CPZ: variants seen among roughly 807,000 people sequenced by gnomAD.
The protein encoded by CPZ is carboxypeptidase Z, also known as VEZT/CPZ fusion.
CPZ carries 103 observed loss-of-function variants against 61.8 expected under a neutral mutation model. The observed-to-expected ratio is 1.67, with a 90% CI of 1.42 to 1.96. The LOEUF (loss-of-function observed/expected upper bound fraction) is 1.96, where lower values mean the gene tolerates loss of function less well. Among genes scored for constraint, CPZ ranks in the 30% most tolerant of loss-of-function variants. CPZ has a pLI of 0.00. For synonymous variants in CPZ, 551 were observed against 373.7 expected (o/e 1.47, Z -5.47); for missense variants, 1,461 against 914.9 (o/e 1.60, Z -7.70).
chr4:8,617,567 T>C (rs948728079), intron 9 of CPZ, among the ~76,000 whole-genome samples: 1 of 152,240 alleles, frequency 6.6e-6, no homozygotes, highest in Non-Finnish European at 1.5e-5. Context: ...ATCCTGATTT[T>C]AAGAGGAGCA....
intron 7 of CPZ, chr4:8,611,396 G>C (rs1026038985): frequency 4.7e-6 from 2 of 425,102 alleles, no homozygotes; most frequent in Non-Finnish European, 9.7e-6. Context: ...AGGGACCCAG[G>C]ATCCCAGCCA....
chr4:8,608,134 C>CTCCAGCTTCAAGCT, intron 7 of CPZ, among the ~76,000 whole-genome samples: 1 of 140,952 alleles, frequency 7.1e-6, no homozygotes, highest in South Asian at 2.4e-4. Flanking sequence ...GGGCCCCAGC[C>CTCCAGCTTCAAGCT]TCCAGCCCCC....
intron 8 of CPZ, 59 bp downstream of exon 8, chr4:8,612,221 GCA>G: frequency 4.8e-6 from 1 of 206,194 alleles, no homozygotes; most frequent in Admixed American, 6.0e-5. Context: ...GCTGGGTGGG[GCA>G]GGGGCAAGGC....
Position 8,601,428 on chromosome 4 carries a change from T to C in CPZ, c.427T>C (p.Phe143Leu), listed in dbSNP as rs762109079. The change falls in exon 3 of 11, where the codon TTC (phenylalanine) becomes CTC (leucine). Residue 143 changes from phenylalanine to leucine, a missense_variant. Phe to Leu is a conservative substitution (Grantham distance 22). Coordinates refer to ENST00000360986, the MANE Select transcript of CPZ (RefSeq NM_001014447.3). ...CGCCATTGACATGGCCTGGCCCTAC[T>C]TCCTTGACTGCCACCGCTACTTCAC... ...FDAIDMAWPY[F>L]LDCHRYFTRE... 23 of 1,564,074 alleles carry C rather than the reference T, an allele frequency of 1.5e-5. No homozygotes were observed. Among genetic ancestry groups the C allele is most frequent in the Non-Finnish European group, 1.9e-5 (22 of 1,153,674 alleles).
At position 8,608,128 on chromosome 4, in the gene CPZ, CCCAGCCT is replaced by C. The variant is rs3842006; in HGVS notation, c.1227+710_1227+716del. 5.9e-5 allele frequency among the ~76,000 whole-genome samples: 7 copies of C among 117,700 alleles called. 1 individual carries two copies. Among genetic ancestry groups the C allele is most frequent in the East Asian group, 5.9e-4 (2 of 3,394 alleles). 77.2% of individuals were successfully genotyped at this position (117,700 alleles called of 152,430 possible). ...GGAGGGGTTGTGATCTGAGGTGGGCCCCAGCCTCCAGCCCCCAGCCCCCAGCCCCCAG... is the reference window on the plus strand; with the variant it reads ...GGAGGGGTTGTGATCTGAGGTGGGCCCCAGCCCCCAGCCCCCAGCCCCCAG... On this transcript the variant is annotated intron_variant, in intron 7 of 10. Transcript: ENST00000360986.
intron 1 of CPZ, chr4:8,597,417 T>G (rs1319813937): frequency 6.6e-6 from 1 of 152,204 alleles, no homozygotes; most frequent in South Asian, 2.1e-4. Flanking sequence ...TGCTGCAGAT[T>G]GGTGGAGTCT....
In CPZ at chr4:8,614,469, AAGG is replaced by A. The variant is rs1171836747; in HGVS notation, c.1477_1479del (p.Glu493del). 1 of 1,613,752 alleles carries A rather than the reference AAGG, an allele frequency of 6.2e-7. No homozygotes were observed. ...CCTGTACATACTCTGGCAGCACAAC[AAGG>A]AGTCACTCCTGAATTTCGTGGAGAC... On this transcript the variant is annotated inframe_deletion, in exon 9 of 11. Transcript: ENST00000360986.
At position 8,599,716 on chromosome 4, in the gene CPZ, A is replaced by C. The variant is rs1374057966; in HGVS notation, c.121+231A>C. The C allele has an allele frequency of 6.2e-5, 69 of 1,105,748 alleles. 1 individual carries two copies. Among genetic ancestry groups the C allele is most frequent in the Non-Finnish European group, 8.4e-5 (68 of 806,460 alleles). 68.5% of individuals were successfully genotyped at this position (1,105,748 alleles called of 1,614,324 possible). The stretch of plus-strand genomic sequence containing the variant: ...CTTCCCACCGGGCTATGCCCACCCC[A>C]GCCCCTGCAGAGATGTCCTCTCCAT... On this transcript the variant is annotated intron_variant, in intron 2 of 10. Transcript: ENST00000360986.
intron 1 of CPZ, among the ~76,000 whole-genome samples, chr4:8,594,973 C>T (rs1714069583): frequency 6.6e-6 from 1 of 152,120 alleles, no homozygotes; most frequent in Non-Finnish European, 1.5e-5. Flanking sequence ...AGGGTTTCAC[C>T]GTGTTGGCCA....
chr4:8,612,453 G>A (rs2109339740), intron 8 of CPZ, among the ~76,000 whole-genome samples: 1 of 152,298 alleles, frequency 6.6e-6, no homozygotes, highest in Non-Finnish European at 1.5e-5. Flanking sequence ...TGTGACATTA[G>A]GGAAGTGGAG....
intron 5 of CPZ, 54 bp from the exon 6 acceptor site, chr4:8,606,683 G>C: frequency 6.2e-7 from 1 of 1,608,878 alleles, no homozygotes; most frequent in Non-Finnish European, 8.5e-7. Context: ...CATCTGGAAG[G>C]AGGAGGGTGG....
intron 3 of CPZ, chr4:8,602,454 T>G (rs1405430715): frequency 6.6e-6 from 1 of 152,288 alleles, no homozygotes; most frequent in Non-Finnish European, 1.5e-5. Flanking sequence ...AACCTGTCTT[T>G]GAAGAGCCTA....
chr4:8,616,211 G>A (rs538664979), intron 9 of CPZ, among the ~76,000 whole-genome samples: 5 of 152,218 alleles, frequency 3.3e-5, no homozygotes, highest in African/African-American at 7.2e-5. Flanking sequence ...CAAGCCTGTC[G>A]TGGCCAATTG....
chr4:8,611,449 T>A (rs535683209), intron 7 of CPZ, among the ~76,000 whole-genome samples: 34 of 152,252 alleles, frequency 2.2e-4, no homozygotes, highest in African/African-American at 7.7e-4. Context: ...GTGAGCTGTG[T>A]TCTGTCCCTC....
intron 7 of CPZ, among the ~76,000 whole-genome samples, chr4:8,611,819 G>A (rs569094025): frequency 6.6e-6 from 1 of 152,142 alleles, no homozygotes; most frequent in Admixed American, 6.5e-5. Context: ...CTCCAGCAGT[G>A]CCAGACCGCC....
At position 8,593,857 on chromosome 4, in the gene CPZ, T is replaced by C. The variant is rs1057442334; in HGVS notation, c.88+936T>C. On this transcript the variant is annotated intron_variant, in intron 1 of 10. Transcript: ENST00000360986. ...TTCCTCCCACCTCTGCTCCTCGCCT[T>C]ACCTCTGGGCTCTTTTCTACCCGCT... Among the ~76,000 whole-genome samples, 10 of 152,304 alleles carry C rather than the reference T, an allele frequency of 6.6e-5. No homozygotes were observed. The East Asian group carries it at 1.5e-3, about 24-fold the overall frequency.
chr4:8,617,191 G>T (rs983554778), intron 9 of CPZ, among the ~76,000 whole-genome samples: 30 of 152,192 alleles, frequency 2.0e-4, no homozygotes, highest in African/African-American at 7.2e-4. Flanking sequence ...GCCGCGGTGG[G>T]ATTAGAGTTC....
Position 8,607,315 on chromosome 4 carries a change from T to C in CPZ, c.1117T>C (p.Phe373Leu), listed in dbSNP as rs1311423687. The change falls in exon 7 of 11, where the codon TTT (phenylalanine) becomes CTT (leucine). Residue 373 changes from phenylalanine (F) to leucine (L), a missense_variant. Phe to Leu is a conservative substitution (Grantham distance 22, BLOSUM62 0). Coordinates refer to ENST00000360986, the MANE Select transcript of CPZ (RefSeq NM_001014447.3). ...CATGAAGTGGATGCAGACCATACCC[T>C]TTGTGCTCTCAGCCAGCCTTCATGG... ...AIMKWMQTIP[F>L]VLSASLHGGD... 3.1e-6 allele frequency: 5 copies of C among 1,614,004 alleles called. No homozygotes were observed. Among genetic ancestry groups the C allele is most frequent in the Non-Finnish European group, 4.2e-6 (5 of 1,179,998 alleles).
At position 8,609,804 on chromosome 4, in the gene CPZ, T is replaced by C. The variant is rs555306837; in HGVS notation, c.1228-2223T>C. ...GCCATCAATCATCGGGCAGTGATCA[T>C]GCAGCCCTGTGGCCGGCAGTGATCT... On this transcript the variant is annotated intron_variant, in intron 7 of 10. Coordinates refer to ENST00000360986, the MANE Select transcript of CPZ (RefSeq NM_001014447.3). Among the ~76,000 whole-genome samples, 4 of 152,316 alleles carry C rather than the reference T, an allele frequency of 2.6e-5. No homozygotes were observed. The East Asian group carries it at 5.8e-4, about 22-fold the overall frequency.
Sources: gnomAD v4.1 joint callset for allele counts (sites outside exome capture counted in the v4.1 genomes callset) on GRCh38, gnomAD v4.1.1 for gene constraint, MANE v1.5 for transcripts, NCBI Gene and HGNC (gene_info 2026-07-23, HGNC 2026-07-21) for gene names.